LMAN1: variants seen among roughly 807,000 people sequenced by gnomAD.
LMAN1 encodes the protein lectin, mannose binding 1.
LMAN1 carries 32 observed loss-of-function variants against 67.8 expected under a neutral mutation model. That is an observed-to-expected ratio of 0.47 (90% CI 0.36 to 0.63). The LOEUF (loss-of-function observed/expected upper bound fraction) is 0.63. Ranked by LOEUF, LMAN1 falls within the 30% of genes least tolerant of loss-of-function variation. The probability of loss-of-function intolerance (pLI) is 0.00; values close to 1 mark genes in which losing one functional copy is unlikely to be tolerated. For synonymous variants in LMAN1, 235 were observed against 219.3 expected (o/e 1.07, Z -0.63); for missense variants, 632 against 628.2 (o/e 1.01, Z -0.06).
chr18:59,348,395 G>C (rs1300138284), intron 6 of LMAN1, among the ~76,000 whole-genome samples: 1 of 152,204 alleles, frequency 6.6e-6, no homozygotes, highest in Non-Finnish European at 1.5e-5. Flanking sequence ...AATCCAGGCC[G>C]AGTCCTGCCT....
At chr18:59,355,868 T>C (rs1568118762) in intron 1 of LMAN1, among the ~76,000 whole-genome samples, 1 of 152,168 alleles carries the variant, frequency 6.6e-6, no homozygotes, top group Non-Finnish European at 1.5e-5. Context: ...ACTCATACAC[T>C]AAAAATTACA....
chr18:59,348,866 T>G (rs1214501359), intron 6 of LMAN1, among the ~76,000 whole-genome samples: 2 of 152,230 alleles, frequency 1.3e-5, no homozygotes, highest in Non-Finnish European at 2.9e-5. Context: ...CACTATAAAA[T>G]AGCACCCAAA....
rs928768656 is a variant in LMAN1, at chr18:59,338,463, A to G, written c.1220+94T>C. 3 of 927,126 alleles carry G rather than the reference A, an allele frequency of 3.2e-6. No individual in the cohort carries two copies. In the African/African-American group the frequency reaches 4.9e-5, roughly 15 times the overall value. 57.4% of individuals were successfully genotyped at this position (927,126 alleles called of 1,614,324 possible). A position where few individuals can be genotyped will look rare whatever the true frequency, so the allele number is the denominator to read the frequency against. ...TAGAACGGGATTCTTACCCTCATGCAGAAATCTTGCAATACAGTGCTTGCA... is the reference window on the plus strand; with the variant it reads ...TAGAACGGGATTCTTACCCTCATGCGGAAATCTTGCAATACAGTGCTTGCA... On this transcript the variant is annotated intron_variant, in intron 10 of 12. Transcript: ENST00000251047.
Position 59,333,262 on chromosome 18 carries a change from T to A in LMAN1, c.1221-18A>T. ...TGGAATTTCTGAAACAGAAAGTCTC[T>A]TGATACAATAAAATCACTATAAAGT... On this transcript the variant is annotated intron_variant, in intron 10 of 12. Coordinates refer to ENST00000251047, the MANE Select transcript of LMAN1 (RefSeq NM_005570.4). 6.2e-7 allele frequency: 1 copy of A among 1,610,396 alleles called. No homozygotes were observed. Among genetic ancestry groups the A allele is most frequent in the Non-Finnish European group, 8.5e-7 (1 of 1,177,866 alleles).
Position 59,359,264 on chromosome 18 carries a change from A to G in LMAN1, c.-20T>C. On this transcript the variant is annotated 5_prime_UTR_variant, in exon 1 of 13. Coordinates refer to ENST00000251047, the MANE Select transcript of LMAN1 (RefSeq NM_005570.4). ...CGCCATCTTGGATTCTGGAACGCGG[A>G]GGAGGGCGGGAGAGGGAGGGGCGCG... is the stretch of plus-strand genomic sequence containing the variant. The G allele has an allele frequency of 6.2e-7, 1 of 1,612,546 alleles. No homozygotes were observed. The highest frequency in any genetic ancestry group is 8.5e-7 in the Non-Finnish European group (1 of 1,178,884).
At position 59,333,430 on chromosome 18, in the gene LMAN1, G is replaced by A. The variant is rs1908073309; in HGVS notation, c.1221-186C>T. On this transcript the variant is annotated intron_variant, in intron 10 of 12. Transcript: ENST00000251047. The stretch of plus-strand genomic sequence containing the variant: ...AAAATAATTTATAAAACGACATTAT[G>A]CCTTTATATTTTACTAAAGGTCATC... 9.0e-6 allele frequency: 5 copies of A among 558,006 alleles called. No homozygotes were observed. In the South Asian group the frequency reaches 1.2e-4, roughly 13 times the overall value. The allele number at this position is 558,006 out of a possible 1,614,324, so 34.6% of individuals were successfully genotyped here.
chr18:59,341,894 T>C (rs1908296803), intron 8 of LMAN1, among the ~76,000 whole-genome samples: 5 of 151,710 alleles, frequency 3.3e-5, no homozygotes, highest in Admixed American at 2.0e-4. Context: ...AAACAAAAAG[T>C]TGCTTCCTTG....
At chr18:59,355,271 T>TA (rs1479725804) in intron 3 of LMAN1, 42 bp downstream of exon 3, 3 of 1,397,580 alleles carry the variant, frequency 2.1e-6, no homozygotes, top group Non-Finnish European at 3.0e-6. Flanking sequence ...ACTCTGTTGA[T>TA]AGATGTATTA....
chr18:59,331,736 C>T (rs1016597905), intron 11 of LMAN1, 197 bp from the exon 12 acceptor site: 3 of 551,120 alleles, frequency 5.4e-6, no homozygotes, highest in Non-Finnish European at 9.7e-6. Context: ...AGGCCTCCAC[C>T]TTTTTACTAC....
In LMAN1 at chr18:59,347,677, T is replaced by C. The variant is rs148610033; in HGVS notation, c.764-106A>G. On this transcript the variant is annotated intron_variant, in intron 6 of 12. Transcript: ENST00000251047. ...TATTGTTTTAAATAACAATAACCAG[T>C]GAGGGAATTGACAAAAATTAGCACT... The C allele has an allele frequency of 8.3e-4, 709 of 856,464 alleles. 6 individuals are homozygous for C. In the East Asian group the frequency reaches 0.018, roughly 21 times the overall value. 53.1% of individuals were successfully genotyped at this position (856,464 alleles called of 1,614,324 possible).
chr18:59,354,535 G>A lies in LMAN1; in HGVS notation c.523C>T (p.His175Tyr). Reference protein sequence around the residue: ...IVIIGNNGQIHYDHQNDGASQ... With the variant: ...IVIIGNNGQIYYDHQNDGASQ... ...CACACTTACTTTTGATGGTCATAAT[G>A]GATTTGTCCATTGTTGCCTATAATT... is the stretch of plus-strand genomic sequence containing the variant. The change falls in exon 4 of 13, where the codon CAT (histidine) becomes TAT (tyrosine). Residue 175 changes from histidine (H) to tyrosine (Y), a missense_variant. Transcript: ENST00000251047. 2 of 1,515,574 alleles carry A rather than the reference G, an allele frequency of 1.3e-6. No individual in the cohort carries two copies. Among genetic ancestry groups the A allele is most frequent in the Non-Finnish European group, 1.8e-6 (2 of 1,091,112 alleles). 93.9% of individuals were successfully genotyped at this position (1,515,574 alleles called of 1,614,324 possible). A position where few individuals can be genotyped will look rare whatever the true frequency, so the allele number is the denominator to read the frequency against.
chr18:59,333,749 C>A (rs1908081128), intron 10 of LMAN1: 1 of 151,768 alleles, frequency 6.6e-6, no homozygotes. Flanking sequence ...TTCTGATTTC[C>A]TACGAGTGCA....
intron 8 of LMAN1, among the ~76,000 whole-genome samples, chr18:59,339,340 C>T (rs1384708360): frequency 6.6e-6 from 1 of 152,034 alleles, no homozygotes; most frequent in Non-Finnish European, 1.5e-5. Context: ...TAGGATTCAT[C>T]AGAGAAGAAA....
At chr18:59,351,457 C>T (rs561820936) in intron 5 of LMAN1, 3 of 152,156 alleles carry the variant, frequency 2.0e-5, no homozygotes, top group Non-Finnish European at 4.4e-5. Flanking sequence ...GTAGCAGTCA[C>T]GTGTCCAGCC....
rs910487651 is a variant in LMAN1 at position 59,327,938 on chromosome 18, A to G, written c.*3155T>C. 12 of 152,382 alleles carry G rather than the reference A, an allele frequency of 7.9e-5. No homozygotes were observed. The East Asian group carries it at 1.7e-3, about 22-fold the overall frequency. The allele number at this position is 152,382 out of a possible 1,614,324, so 9.4% of individuals were successfully genotyped here. On this transcript the variant is annotated 3_prime_UTR_variant, in exon 13 of 13. Coordinates refer to ENST00000251047, the MANE Select transcript of LMAN1 (RefSeq NM_005570.4). ...AAAATGTTATCCAATTGAAATTGACAGTGGATAGAAAACCCTTTTAAACTT... is the reference window on the plus strand; with the variant it reads ...AAAATGTTATCCAATTGAAATTGACGGTGGATAGAAAACCCTTTTAAACTT...
chr18:59,338,656 T>C, intron 9 of LMAN1, 29 bp from the exon 10 acceptor site: 1 of 1,609,188 alleles, frequency 6.2e-7, no homozygotes, highest in South Asian at 1.1e-5. Context: ...ACGAGCAAGC[T>C]GAATAATCCA....
intron 10 of LMAN1, among the ~76,000 whole-genome samples, chr18:59,337,141 T>C (rs1169966864): frequency 6.7e-6 from 1 of 149,134 alleles, no homozygotes; most frequent in Non-Finnish European, 1.5e-5. Context: ...TCATCAGTAA[T>C]ATCTTACCAA....
chr18:59,338,296 C>A (rs150986159), intron 10 of LMAN1, among the ~76,000 whole-genome samples: 26 of 152,232 alleles, frequency 1.7e-4, no homozygotes, highest in East Asian at 1.3e-3. Flanking sequence ...CTGGCTCTGT[C>A]AAGTAACTGA....
At chr18:59,335,004 A>T (rs1908109474) in intron 10 of LMAN1, among the ~76,000 whole-genome samples, 1 of 152,186 alleles carries the variant, frequency 6.6e-6, no homozygotes, top group Non-Finnish European at 1.5e-5. Context: ...TTCTATGGAT[A>T]ATACAACTGG....
Sources: allele counts gnomAD v4.1 joint callset (sites outside exome capture counted in the v4.1 genomes callset), GRCh38; gene constraint gnomAD v4.1.1; transcripts MANE v1.5; gene names NCBI Gene and HGNC (gene_info 2026-07-23, HGNC 2026-07-21).